The following CYFIP2 variants were observed in gnomAD, a reference collection of about 807,000 sequenced individuals.
CYFIP2 encodes cytoplasmic FMR1-interacting protein 2.
In CYFIP2, 29 loss-of-function variants were observed where a neutral mutation model predicts 158.7. That is an observed-to-expected ratio of 0.18 (90% CI 0.14 to 0.25). CYFIP2 has a LOEUF of 0.25. Ranked by LOEUF, CYFIP2 falls within the 10% of genes least tolerant of loss-of-function variation. The pLI, the probability that CYFIP2 is intolerant of heterozygous loss-of-function variation, is 1.00. For synonymous variants in CYFIP2, 585 were observed against 617.6 expected (o/e 0.95, Z 0.78); for missense variants, 852 against 1,639.5 (o/e 0.52, Z 8.29).
At chr5:157,391,963 G>A (rs985306170) in intron 30 of CYFIP2, among the ~76,000 whole-genome samples, 1 of 151,862 alleles carries the variant, frequency 6.6e-6, no homozygotes, top group Non-Finnish European at 1.5e-5. Flanking sequence ...CATCCTGAGG[G>A]GTGAAAAAGT....
chr5:157,314,118 G>T (rs1415522667), intron 11 of CYFIP2, among the ~76,000 whole-genome samples: 2 of 152,122 alleles, frequency 1.3e-5, no homozygotes, highest in Non-Finnish European at 2.9e-5. Context: ...CTCTATGTAG[G>T]TATATGTTCC....
At position 157,330,006 on chromosome 5, in the gene CYFIP2, T is replaced by C. The variant is rs145740804; in HGVS notation, c.2157-736T>C. 1.2e-4 allele frequency among the ~76,000 whole-genome samples: 18 copies of C among 152,324 alleles called. No individual in the cohort carries two copies. In the East Asian group the frequency reaches 3.5e-3, roughly 29 times the overall value. On this transcript the variant is annotated intron_variant, in intron 19 of 30. Transcript: ENST00000620254. ...CTATACTTTATCCACACTGGCCATC[T>C]TTCCTTTTCTTAAATGTAACCAAGC...
At chr5:157,325,438 T>C (rs1233503055) in intron 16 of CYFIP2, 44 bp from the exon 17 acceptor site, 3 of 1,551,792 alleles carry the variant, frequency 1.9e-6, no homozygotes, top group Non-Finnish European at 2.6e-6. Context: ...CTAAGGTCTT[T>C]TAGTTCTAAA....
At chr5:157,357,279 A>G (rs1763475183) in intron 23 of CYFIP2, among the ~76,000 whole-genome samples, 1 of 152,236 alleles carries the variant, frequency 6.6e-6, no homozygotes, top group Admixed American at 6.5e-5. Context: ...AAAGTTTAGA[A>G]TAATTCATAC....
Position 157,286,382 on chromosome 5 carries a change from AT to A in CYFIP2, c.118-627del, listed in dbSNP as rs34257646. Among the ~76,000 whole-genome samples, 512 of 147,206 alleles carry A rather than the reference AT, an allele frequency of 3.5e-3. 2 individuals carry two copies. The highest frequency in any genetic ancestry group is 0.01 in the African/African-American group (409 of 40,362). The stretch of plus-strand genomic sequence containing the variant: ...TATATATGCATATATATATACATAT[AT>A]TTTTTTTTTAACCAATAGAGAACCA... On this transcript the variant is annotated intron_variant, in intron 2 of 30. Coordinates refer to ENST00000620254, the MANE Select transcript of CYFIP2 (RefSeq NM_001037333.3).
In CYFIP2 at chr5:157,320,777, G is replaced by A; in HGVS notation, c.1646G>A (p.Arg549His). Residue 549 changes from arginine to histidine, a missense_variant, in exon 15 of 31, where the codon CGT becomes CAT. By Grantham distance (29) the Arg-to-His change is conservative. This residue lies in a region of CYFIP2 where 167 missense variants were observed against 343.3 expected (regional missense o/e 0.49). Transcript: ENST00000620254. ...GGATTTGATATCAAGGTGCCCCGGC[G>A]TGCTGTGGGGCCATCCAGCACACAG... ...KGGFDIKVPR[R>H]AVGPSSTQLY... The A allele has an allele frequency of 6.2e-7, 1 of 1,603,738 alleles. No individual in the cohort carries two copies. The highest frequency in any genetic ancestry group is 8.5e-7 in the Non-Finnish European group (1 of 1,174,966).
chr5:157,303,043 T>G lies in CYFIP2; in HGVS notation c.666+153T>G. ...TTGAGAGTGAAATGTAGCTGAGGAC[T>G]TAAGTCTGTCCTCCCAACCCCAGGT... On this transcript the variant is annotated intron_variant, in intron 7 of 30. Transcript: ENST00000620254. The G allele has an allele frequency of 1.1e-5, 7 of 622,630 alleles. 1 individual carries two copies. Among genetic ancestry groups the G allele is most frequent in the South Asian group, 1.1e-4 (5 of 46,860 alleles). The allele number at this position is 622,630 out of a possible 1,614,324, so 38.6% of individuals were successfully genotyped here. A position where few individuals can be genotyped will look rare whatever the true frequency, so the allele number is the denominator to read the frequency against.
intron 14 of CYFIP2, among the ~76,000 whole-genome samples, chr5:157,320,313 T>C (rs375064423): frequency 3.3e-5 from 5 of 152,174 alleles, no homozygotes; most frequent in African/African-American, 1.2e-4. Context: ...CACACACAGA[T>C]TTCATAAGAC....
rs879875568 is a variant in CYFIP2 at position 157,285,406 on chromosome 5, C to T, written c.45C>T (p.Asp15=). The T allele has an allele frequency of 6.3e-7, 1 of 1,580,816 alleles. No individual in the cohort carries two copies. The highest frequency in any genetic ancestry group is 8.6e-7 in the Non-Finnish European group (1 of 1,163,708). The change falls in exon 2 of 31, where the codon GAC becomes GAT. Residue 15 remains aspartate (D), a synonymous_variant. Transcript: ENST00000620254. ...TGGAAGATGCCCTGTCCAACGTGGACCTGCTTGAAGAGCTTCCCCTCCCCG... is the reference window on the plus strand; with the variant it reads ...TGGAAGATGCCCTGTCCAACGTGGATCTGCTTGAAGAGCTTCCCCTCCCCG... ...VTLEDALSNV[D]LLEELPLPDQ...
rs968323449 is a variant in CYFIP2, at chr5:157,285,545, C to T, written c.117+67C>T. Reference sequence around the variant, plus strand: ...TGGGGATCCCCTAAGAGAGTTTGCCCTAAGGCAGAGGGAAGGGGAGGTCTG... The same window carrying T: ...TGGGGATCCCCTAAGAGAGTTTGCCTTAAGGCAGAGGGAAGGGGAGGTCTG... On this transcript the variant is annotated intron_variant, in intron 2 of 30. Transcript: ENST00000620254. 5.6e-6 allele frequency: 8 copies of T among 1,420,302 alleles called. No individual in the cohort carries two copies. In the African/African-American group the frequency reaches 1.0e-4, roughly 18 times the overall value. 88.0% of individuals were successfully genotyped at this position (1,420,302 alleles called of 1,614,324 possible). A position where few individuals can be genotyped will look rare whatever the true frequency, so the allele number is the denominator to read the frequency against.
At chr5:157,296,593 C>G (rs1758270631) in intron 4 of CYFIP2, 80 bp from the exon 5 acceptor site, 1 of 1,380,916 alleles carries the variant, frequency 7.2e-7, no homozygotes, top group Non-Finnish European at 1.0e-6. Flanking sequence ...GACCCTGTCT[C>G]AAAAACAAAA....
intron 12 of CYFIP2, 117 bp downstream of exon 12, chr5:157,314,580 A>G: frequency 7.4e-7 from 1 of 1,359,414 alleles, no homozygotes; most frequent in Non-Finnish European, 9.8e-7. Context: ...CACGTACCAT[A>G]CGATTTACCC....
chr5:157,369,879 G>GTTTTTTTTT (rs1554120265), intron 26 of CYFIP2, among the ~76,000 whole-genome samples: 4 of 103,302 alleles, frequency 3.9e-5, no homozygotes, highest in South Asian at 3.0e-4. Flanking sequence ...AATGGACCTA[G>GTTTTTTTTT]TTTTTTTTTT....
chr5:157,386,004 G>A (rs1766646703), intron 28 of CYFIP2, among the ~76,000 whole-genome samples: 1 of 152,038 alleles, frequency 6.6e-6, no homozygotes, highest in Non-Finnish European at 1.5e-5. Context: ...CAGGAAGCGA[G>A]CTATAAAGCA....
chr5:157,384,624 C>T (rs1561789073), intron 28 of CYFIP2: 2 of 411,402 alleles, frequency 4.9e-6, no homozygotes, highest in East Asian at 1.5e-4. Flanking sequence ...CCACCAACCT[C>T]CTTCTGAAAA....
intron 1 of CYFIP2, among the ~76,000 whole-genome samples, chr5:157,283,375 G>C (rs1244913941): frequency 6.6e-6 from 1 of 152,146 alleles, no homozygotes; most frequent in Admixed American, 6.5e-5. Flanking sequence ...ATTATGCCCA[G>C]TAAAATCATT....
intron 26 of CYFIP2, chr5:157,380,063 G>GT (rs1307214174): frequency 6.6e-6 from 1 of 152,220 alleles, no homozygotes; most frequent in Non-Finnish European, 1.5e-5. Context: ...TTCTCTTGCT[G>GT]TTTTCTGTTC....
Position 157,325,644 on chromosome 5 carries a change from A to T in CYFIP2, c.1982+6A>T, listed in dbSNP as rs773640278. On this transcript the variant is annotated splice_donor_region_variant and intron_variant, in intron 17 of 30. Transcript: ENST00000620254. ...AAAGAACCTTCCATGATGGAGTAAG[A>T]GGCAGGATTGGGCCAGCAAGTGGCT... is the stretch of plus-strand genomic sequence containing the variant. 1.4e-5 allele frequency: 23 copies of T among 1,597,742 alleles called. No homozygotes were observed. The African/African-American group carries it at 1.6e-4, about 11-fold the overall frequency.
intron 3 of CYFIP2, among the ~76,000 whole-genome samples, chr5:157,291,742 A>G (rs1757834823): frequency 6.6e-6 from 1 of 152,262 alleles, no homozygotes; most frequent in Admixed American, 6.5e-5. Context: ...TGACTTGTCA[A>G]TGACATTTGC....
Sources: allele counts gnomAD v4.1 joint callset (sites outside exome capture counted in the v4.1 genomes callset), GRCh38; gene constraint gnomAD v4.1.1; regional missense constraint gnomAD v4.1.1; transcripts MANE v1.5; gene names NCBI Gene and HGNC (gene_info 2026-07-23, HGNC 2026-07-21).